The following UNC13C variants were observed in gnomAD, a reference collection of about 807,000 sequenced individuals.
The protein encoded by UNC13C is protein unc-13 homolog C.
In UNC13C, 174 loss-of-function variants were observed where a neutral mutation model predicts 245.4. The ratio of observed to expected loss-of-function variants is 0.71; its 90% CI spans 0.63 to 0.80. The LOEUF is 0.80. UNC13C is among the 30% of genes least tolerant of loss of function. The pLI is 0.00. For synonymous variants in UNC13C, 992 were observed against 895.1 expected (o/e 1.11, Z -1.93); for missense variants, 2,829 against 2,602.9 (o/e 1.09, Z -1.89).
intron 2 of UNC13C, among the ~76,000 whole-genome samples, chr15:54,132,507 A>G (rs2031493016): frequency 6.6e-6 from 1 of 152,214 alleles, no homozygotes; most frequent in Admixed American, 6.5e-5. Context: ...CACCATCCAC[A>G]GGTACTTCCT....
intron 17 of UNC13C, among the ~76,000 whole-genome samples, chr15:54,389,105 G>C (rs2039899436): frequency 1.3e-5 from 2 of 152,104 alleles, no homozygotes; most frequent in Non-Finnish European, 2.9e-5. Flanking sequence ...AACTTTTCAT[G>C]ATTTGACCCC....
chr15:54,266,219 G>A (rs181986378), intron 10 of UNC13C, among the ~76,000 whole-genome samples: 103 of 151,976 alleles, frequency 6.8e-4, no homozygotes, highest in African/African-American at 2.5e-3. Flanking sequence ...TAGCTTATTT[G>A]GGAATGTGGG....
At chr15:54,467,912 A>G (rs1007031703) in intron 19 of UNC13C, among the ~76,000 whole-genome samples, 2 of 151,670 alleles carry the variant, frequency 1.3e-5, no homozygotes, top group Non-Finnish European at 3.0e-5. Context: ...TTCAATGGAC[A>G]TGGGAGTGTA....
chr15:54,515,666 C>G (rs145353809), intron 24 of UNC13C, among the ~76,000 whole-genome samples: 1 of 152,088 alleles, frequency 6.6e-6, no homozygotes, highest in African/African-American at 2.4e-5. Flanking sequence ...TTGGTGCAAT[C>G]GTTTTAAATG....
intron 29 of UNC13C, among the ~76,000 whole-genome samples, chr15:54,556,774 C>T (rs1310007942): frequency 1.3e-5 from 2 of 151,326 alleles, no homozygotes; most frequent in Non-Finnish European, 2.9e-5. Context: ...TAGCATGCAC[C>T]ATGAAGAGGA....
chr15:53,892,217 G>A, the UNC13C span, among the ~76,000 whole-genome samples: 1 of 152,232 alleles, frequency 6.6e-6, no homozygotes, highest in Non-Finnish European at 1.5e-5. Context: ...GCTCTCCTCT[G>A]GCTTGTAGGG....
intron 4 of UNC13C, among the ~76,000 whole-genome samples, chr15:54,203,604 G>A (rs894098092): frequency 6.8e-6 from 1 of 147,694 alleles, no homozygotes; most frequent in Non-Finnish European, 1.5e-5. Context: ...TTTTATGACT[G>A]AGTTGTATTC....
At chr15:54,046,922 A>G (rs1053272479) in intron 2 of UNC13C, among the ~76,000 whole-genome samples, 3 of 152,078 alleles carry the variant, frequency 2.0e-5, no homozygotes, top group Admixed American at 2.0e-4. Flanking sequence ...AGACATAGTA[A>G]TTCAGATAGG....
At chr15:54,267,506 G>T (rs1238417106) in intron 10 of UNC13C, among the ~76,000 whole-genome samples, 1 of 152,076 alleles carries the variant, frequency 6.6e-6, no homozygotes. Flanking sequence ...TCAGTGAACT[G>T]AGAGTTTTGA....
intron 26 of UNC13C, among the ~76,000 whole-genome samples, chr15:54,541,950 G>A (rs1049025430): frequency 2.0e-4 from 31 of 152,112 alleles, no homozygotes; most frequent in African/African-American, 5.3e-4. Flanking sequence ...GAACATTGGC[G>A]TATACTAAAT....
At chr15:54,171,598 C>T (rs1024766292) in intron 4 of UNC13C, among the ~76,000 whole-genome samples, 1 of 151,884 alleles carries the variant, frequency 6.6e-6, no homozygotes, top group Admixed American at 6.6e-5. Context: ...AAAAGACAGA[C>T]AATAACAAAT....
chr15:54,309,885 A>G (rs2037823599), intron 13 of UNC13C, among the ~76,000 whole-genome samples: 1 of 151,676 alleles, frequency 6.6e-6, no homozygotes, highest in Non-Finnish European at 1.5e-5. Flanking sequence ...ACCATGTTTC[A>G]TTATTTGCAG....
chr15:54,449,010 A>T (rs1387386679), intron 19 of UNC13C, among the ~76,000 whole-genome samples: 2 of 152,054 alleles, frequency 1.3e-5, no homozygotes, highest in Admixed American at 1.3e-4. Flanking sequence ...TCTGTAAAGG[A>T]TTTTATTTCT....
intron 30 of UNC13C, among the ~76,000 whole-genome samples, chr15:54,601,830 C>T (rs938796220): frequency 6.6e-6 from 1 of 152,114 alleles, no homozygotes; most frequent in Non-Finnish European, 1.5e-5. Flanking sequence ...ACATGTTTCT[C>T]CTCAAAGTGG....
intron 19 of UNC13C, among the ~76,000 whole-genome samples, chr15:54,486,775 C>A (rs1456287183): frequency 6.6e-6 from 1 of 152,112 alleles, no homozygotes; most frequent in Non-Finnish European, 1.5e-5. Flanking sequence ...CATTCTTTTT[C>A]TTTATAACTA....
chr15:54,565,701 A>G (rs1223795461), intron 29 of UNC13C, among the ~76,000 whole-genome samples: 2 of 152,174 alleles, frequency 1.3e-5, no homozygotes, highest in South Asian at 2.1e-4. Context: ...CCGCAAAGCA[A>G]TATTCAGTTT....
intron 19 of UNC13C, among the ~76,000 whole-genome samples, chr15:54,449,707 G>A (rs1891059800): frequency 6.6e-6 from 1 of 152,176 alleles, no homozygotes; most frequent in African/African-American, 2.4e-5. Flanking sequence ...TAACTTCTTT[G>A]CAATGGGTTC....
chr15:54,234,703 T>C lies in UNC13C; in HGVS notation c.3072-327T>C, dbSNP rs1463748143. 3.3e-5 allele frequency among the ~76,000 whole-genome samples: 5 copies of C among 152,176 alleles called. No individual in the cohort carries two copies. In the East Asian group the frequency reaches 9.6e-4, roughly 29 times the overall value. On this transcript the variant is annotated intron_variant, in intron 4 of 32. Transcript: ENST00000260323. ...CCAAAAATGGTTTGCTTCTGTTTCC[T>C]CCTGGAGGTAAGAAGTTCCACAGAT...
intron 19 of UNC13C, among the ~76,000 whole-genome samples, chr15:54,443,080 T>G (rs1890619633): frequency 6.6e-6 from 1 of 152,132 alleles, no homozygotes; most frequent in Non-Finnish European, 1.5e-5. Context: ...TGTTACTGAT[T>G]CAATCTCATT....
Sources: gnomAD v4.1 joint callset for allele counts (sites outside exome capture counted in the v4.1 genomes callset) on GRCh38, gnomAD v4.1.1 for gene constraint, MANE v1.5 for transcripts, NCBI Gene and HGNC (gene_info 2026-07-23, HGNC 2026-07-21) for gene names.